Variants in CMTM6 observed in about 807,000 individuals in gnomAD.
CMTM6 encodes the protein CKLF-like MARVEL transmembrane domain-containing protein 6.
A neutral mutation model predicts 13.6 loss-of-function variants in CMTM6; 5 were observed. That is an observed-to-expected ratio of 0.37 (90% CI 0.19 to 0.77). CMTM6 has a LOEUF of 0.77. Among genes scored for constraint, CMTM6 ranks in the 30% least tolerant of loss-of-function variants. The probability of loss-of-function intolerance (pLI) is 0.50; values close to 1 mark genes in which losing one functional copy is unlikely to be tolerated. For missense variants in CMTM6, 196 were observed against 218.6 expected (o/e 0.90, Z 0.65); for synonymous variants, 99 against 84.5 (o/e 1.17, Z -0.94).
At chr3:32,501,097 C>A (rs1208723274) in intron 1 of CMTM6, among the ~76,000 whole-genome samples, 1 of 142,592 alleles carries the variant, frequency 7.0e-6, no homozygotes, top group Admixed American at 7.3e-5. Flanking sequence ...CTACTCGGCA[C>A]GAGAATTGCC....
chr3:32,496,014 A>G (rs1697286971), intron 1 of CMTM6, among the ~76,000 whole-genome samples: 3 of 152,138 alleles, frequency 2.0e-5, no homozygotes, highest in Admixed American at 2.0e-4. Flanking sequence ...CAGCCTGGCC[A>G]ACATGGCAAA....
chr3:32,490,123 G>A (rs1354577710), intron 2 of CMTM6, among the ~76,000 whole-genome samples: 1 of 152,148 alleles, frequency 6.6e-6, no homozygotes, highest in Non-Finnish European at 1.5e-5. Flanking sequence ...GCACACGCCT[G>A]TAATCCCAGC....
chr3:32,489,643 ACT>A (rs1360125617), intron 2 of CMTM6, among the ~76,000 whole-genome samples: 2 of 150,332 alleles, frequency 1.3e-5, no homozygotes, highest in East Asian at 2.0e-4. Context: ...CAAGAACGAA[ACT>A]CTGTCTCAAA....
At chr3:32,498,402 TG>T (rs1215265860) in intron 1 of CMTM6, among the ~76,000 whole-genome samples, 2 of 152,072 alleles carry the variant, frequency 1.3e-5, no homozygotes, top group African/African-American at 4.8e-5. Flanking sequence ...CCTGTAAGAC[TG>T]GCTTTTTGAA....
chr3:32,494,940 A>G (rs1042255592), intron 1 of CMTM6, among the ~76,000 whole-genome samples: 1 of 152,136 alleles, frequency 6.6e-6, no homozygotes, highest in African/African-American at 2.4e-5. Flanking sequence ...GTAATTATAG[A>G]AAGCTATCCA....
rs1697173896 is a variant in CMTM6, at chr3:32,483,511, C to T, written c.*449G>A. ...ATATGTTAAATTCCCATTAACAGAACATAATCTAAGCATCAAAACAAACAG... is the reference window on the plus strand; with the variant it reads ...ATATGTTAAATTCCCATTAACAGAATATAATCTAAGCATCAAAACAAACAG... On this transcript the variant is annotated 3_prime_UTR_variant, in exon 4 of 4. Transcript: ENST00000205636. 6.6e-6 allele frequency: 1 copy of T among 152,136 alleles called. No homozygotes were observed. Among genetic ancestry groups the T allele is most frequent in the Admixed American group, 6.6e-5 (1 of 15,256 alleles). 9.4% of individuals were successfully genotyped at this position (152,136 alleles called of 1,614,324 possible). A position where few individuals can be genotyped will look rare whatever the true frequency, so the allele number is the denominator to read the frequency against.
intron 2 of CMTM6, among the ~76,000 whole-genome samples, chr3:32,489,470 G>C (rs1346798651): frequency 6.6e-6 from 1 of 151,796 alleles, no homozygotes; most frequent in Non-Finnish European, 1.5e-5. Flanking sequence ...GGCCAACATG[G>C]TGAAACCCTA....
intron 2 of CMTM6, among the ~76,000 whole-genome samples, chr3:32,490,408 G>A (rs1396210973): frequency 6.6e-6 from 1 of 152,046 alleles, no homozygotes; most frequent in Non-Finnish European, 1.5e-5. Context: ...AAACAAACAT[G>A]AAATCCTTAT....
intron 1 of CMTM6, 99 bp downstream of exon 1, chr3:32,502,509 T>C (rs773049427): frequency 5.6e-5 from 82 of 1,464,070 alleles, no homozygotes; most frequent in African/African-American, 1.0e-4. Flanking sequence ...CTCCTTTTAC[T>C]GAACAACCAA....
intron 2 of CMTM6, among the ~76,000 whole-genome samples, chr3:32,490,170 C>T (rs553774215): frequency 6.6e-6 from 1 of 151,184 alleles, no homozygotes; most frequent in African/African-American, 2.4e-5. Flanking sequence ...CGTTTGAACC[C>T]GGGAGGTGGA....
intron 1 of CMTM6, among the ~76,000 whole-genome samples, chr3:32,492,651 G>C (rs952456724): frequency 1.3e-5 from 2 of 152,194 alleles, no homozygotes; most frequent in African/African-American, 4.8e-5. Flanking sequence ...CTAGGGAGCA[G>C]CAATAGAGAA....
intron 2 of CMTM6, among the ~76,000 whole-genome samples, chr3:32,489,489 A>G (rs1448069746): frequency 6.6e-6 from 1 of 151,812 alleles, no homozygotes; most frequent in Non-Finnish European, 1.5e-5. Context: ...TATCTCTATT[A>G]AAAATACAAA....
At chr3:32,502,064 C>G (rs75798922) in intron 1 of CMTM6, among the ~76,000 whole-genome samples, 1 of 152,208 alleles carries the variant, frequency 6.6e-6, no homozygotes, top group Non-Finnish European at 1.5e-5. Flanking sequence ...TGAAATAATT[C>G]TTTTCCAGTC....
At chr3:32,489,165 G>A (rs1053121887) in intron 2 of CMTM6, among the ~76,000 whole-genome samples, 1 of 150,746 alleles carries the variant, frequency 6.6e-6, no homozygotes, top group African/African-American at 2.4e-5. Context: ...AGCTATTCTG[G>A]AGGCTGAGGC....
chr3:32,483,907 A>C lies in CMTM6; in HGVS notation c.*53T>G. 2.8e-6 allele frequency: 4 copies of C among 1,445,458 alleles called. No homozygotes were observed. The highest frequency in any genetic ancestry group is 3.7e-6 in the Non-Finnish European group (4 of 1,093,202). 89.5% of individuals were successfully genotyped at this position (1,445,458 alleles called of 1,614,324 possible). ...TTTACAAGAGCTTCTGCCAGGGCTC[A>C]GGCACCACAATGCAGGGTCACTACC... is the stretch of plus-strand genomic sequence containing the variant. On this transcript the variant is annotated 3_prime_UTR_variant, in exon 4 of 4. Coordinates refer to ENST00000205636, the MANE Select transcript of CMTM6 (RefSeq NM_017801.3).
chr3:32,498,221 C>T (rs1697312838), intron 1 of CMTM6, among the ~76,000 whole-genome samples: 1 of 152,118 alleles, frequency 6.6e-6, no homozygotes, highest in South Asian at 2.1e-4. Flanking sequence ...ATATAGTCTC[C>T]CACTCCCACG....
chr3:32,481,595 G>C lies in CMTM6; in HGVS notation c.*2365C>G, dbSNP rs1697154055. On this transcript the variant is annotated 3_prime_UTR_variant, in exon 4 of 4. Transcript: ENST00000205636. ...TTAATTTAAAAATTATTTTAAATTT[G>C]AGTTTATTGAATTTGCCATTTTTTT... is the stretch of plus-strand genomic sequence containing the variant. 1 of 152,000 alleles carries C rather than the reference G, an allele frequency of 6.6e-6. No individual in the cohort carries two copies. The highest frequency in any genetic ancestry group is 2.1e-4 in the South Asian group (1 of 4,818). 9.4% of individuals were successfully genotyped at this position (152,000 alleles called of 1,614,324 possible).
In CMTM6 at chr3:32,495,070, T is replaced by G. The variant is rs192710215; in HGVS notation, c.139-3184A>C. ...AATTTCAAAATAAAAAGTTAAAAAA[T>G]AGTAATTCAAATCTATACTGGTATC... On this transcript the variant is annotated intron_variant, in intron 1 of 3. Coordinates refer to ENST00000205636, the MANE Select transcript of CMTM6 (RefSeq NM_017801.3). Among the ~76,000 whole-genome samples the G allele has an allele frequency of 2.9e-3, 436 of 152,172 alleles. 4 individuals are homozygous for G. The highest frequency in any genetic ancestry group is 4.4e-3 in the Non-Finnish European group (299 of 68,006).
In CMTM6 at chr3:32,488,010, T is replaced by C. The variant is rs1189181074; in HGVS notation, c.342A>G (p.Gly114=). 3 of 1,613,248 alleles carry C rather than the reference T, an allele frequency of 1.9e-6. No homozygotes were observed. The highest frequency in any genetic ancestry group is 4.5e-5 in the East Asian group (2 of 44,844). Reference sequence around the variant, plus strand: ...TGATGGATGCCAACAAAAACACACATCCTGTTCCCAAAGTAATATAAAAAT... The same window carrying C: ...TGATGGATGCCAACAAAAACACACACCCTGTTCCCAAAGTAATATAAAAAT... ...SSDFYITLGT[G]CVFLLASIIF... Residue 114 remains glycine, a synonymous_variant, in exon 3 of 4, where the codon GGA becomes GGG. Coordinates refer to ENST00000205636, the MANE Select transcript of CMTM6 (RefSeq NM_017801.3).
Sources: gnomAD v4.1 joint callset for allele counts (sites outside exome capture counted in the v4.1 genomes callset) on GRCh38, gnomAD v4.1.1 for gene constraint, MANE v1.5 for transcripts, NCBI Gene and HGNC (gene_info 2026-07-23, HGNC 2026-07-21) for gene names.